Variants in KCNMA1 observed in about 807,000 individuals in gnomAD.
The protein encoded by KCNMA1 is potassium calcium-activated channel subfamily M alpha 1.
A neutral mutation model predicts 140.0 loss-of-function variants in KCNMA1; 29 were observed. The observed-to-expected ratio is 0.21, with a 90% CI of 0.15 to 0.28. The LOEUF (loss-of-function observed/expected upper bound fraction) is 0.28. KCNMA1 is among the 10% of genes least tolerant of loss of function. The probability of loss-of-function intolerance (pLI) is 1.00; values close to 1 mark genes in which losing one functional copy is unlikely to be tolerated. For missense variants in KCNMA1, 880 were observed against 1,602.2 expected, an observed-to-expected ratio of 0.55 and a Z score of 7.70; for synonymous variants, 612 against 611.9, an observed-to-expected ratio of 1.00 and a Z score of 0.00.
At chr10:77,315,372 T>G (rs2080562163) in intron 2 of KCNMA1, 1 of 152,232 alleles carries the variant, frequency 6.6e-6, no homozygotes, top group Non-Finnish European at 1.5e-5. Context: ...CAGAGCATGC[T>G]GATAACTATT....
chr10:77,213,572 A>T (rs2046788531), intron 3 of KCNMA1, among the ~76,000 whole-genome samples: 1 of 152,104 alleles, frequency 6.6e-6, no homozygotes, highest in South Asian at 2.1e-4. Context: ...TCACACACAC[A>T]ATTACAAGTG....
chr10:77,230,170 C>T (rs2053102902), intron 3 of KCNMA1, among the ~76,000 whole-genome samples: 1 of 152,128 alleles, frequency 6.6e-6, no homozygotes, highest in Non-Finnish European at 1.5e-5. Context: ...AGCATTATGT[C>T]AATGAAGGAA....
At chr10:77,598,204 C>T (rs2081490956) in intron 1 of KCNMA1, among the ~76,000 whole-genome samples, 1 of 152,298 alleles carries the variant, frequency 6.6e-6, no homozygotes, top group East Asian at 1.9e-4. Context: ...TTCATGACCT[C>T]AAGTGATCCG....
intron 1 of KCNMA1, among the ~76,000 whole-genome samples, chr10:77,538,513 T>C (rs2059451855): frequency 6.6e-6 from 1 of 152,184 alleles, no homozygotes; most frequent in African/African-American, 2.4e-5. Flanking sequence ...AGATCTGAGT[T>C]AGAATCCCAG....
chr10:77,254,388 A>AT (rs774553487), intron 2 of KCNMA1, among the ~76,000 whole-genome samples: 1 of 151,896 alleles, frequency 6.6e-6, no homozygotes, highest in South Asian at 2.1e-4. Context: ...TACCCGGCTA[A>AT]TTTTTTGTAT....
At chr10:77,299,296 C>T (rs2076004719) in intron 2 of KCNMA1, among the ~76,000 whole-genome samples, 2 of 152,174 alleles carry the variant, frequency 1.3e-5, no homozygotes, top group South Asian at 4.1e-4. Flanking sequence ...TTGATTAAGC[C>T]TTCCCTCCCA....
At chr10:77,248,545 G>A (rs2059064868) in intron 3 of KCNMA1, among the ~76,000 whole-genome samples, 1 of 152,156 alleles carries the variant, frequency 6.6e-6, no homozygotes, top group African/African-American at 2.4e-5. Context: ...TGATGATTTA[G>A]TATAACTTCC....
At chr10:77,277,957 T>A (rs1182808550) in intron 2 of KCNMA1, among the ~76,000 whole-genome samples, 1 of 152,212 alleles carries the variant, frequency 6.6e-6, no homozygotes, top group Admixed American at 6.5e-5. Flanking sequence ...AACTAAAGGC[T>A]TGTATCTTTC....
intron 17 of KCNMA1, among the ~76,000 whole-genome samples, chr10:77,015,676 C>A (rs1475274427): frequency 6.6e-6 from 1 of 152,124 alleles, no homozygotes; most frequent in Non-Finnish European, 1.5e-5. Flanking sequence ...CTTCCTACTA[C>A]CCAAAACTTG....
intron 1 of KCNMA1, chr10:77,636,580 G>A: frequency 6.5e-7 from 1 of 1,536,198 alleles, no homozygotes; most frequent in Non-Finnish European, 8.7e-7. Flanking sequence ...CTAAGGGACG[G>A]AGTGGGAGGT....
At chr10:77,235,449 A>T (rs558730019) in intron 3 of KCNMA1, among the ~76,000 whole-genome samples, 22 of 152,318 alleles carry the variant, frequency 1.4e-4, no homozygotes, top group Non-Finnish European at 1.0e-4. Context: ...TCTGCAAAGA[A>T]ACAAGGCACA....
At chr10:76,953,780 G>C in intron 21 of KCNMA1, 21 bp downstream of exon 21, 1 of 1,613,906 alleles carries the variant, frequency 6.2e-7, no homozygotes, top group African/African-American at 1.3e-5. Context: ...GGCAACATCA[G>C]ATGCACAGTC....
intron 21 of KCNMA1, 88 bp downstream of exon 21, chr10:76,953,713 C>A: frequency 2.7e-6 from 4 of 1,467,124 alleles, no homozygotes; most frequent in Non-Finnish European, 3.8e-6. Context: ...ACAGTATTAT[C>A]CCACTGTCCA....
intron 9 of KCNMA1, among the ~76,000 whole-genome samples, chr10:77,096,868 C>T (rs1566073633): frequency 6.6e-6 from 1 of 152,156 alleles, no homozygotes; most frequent in Non-Finnish European, 1.5e-5. Flanking sequence ...GTGTTTTCCT[C>T]GTCCTGCTCC....
chr10:77,609,756 A>T (rs2086086937), intron 1 of KCNMA1, among the ~76,000 whole-genome samples: 1 of 152,314 alleles, frequency 6.6e-6, no homozygotes, highest in Non-Finnish European at 1.5e-5. Flanking sequence ...TCATTTTAAA[A>T]AAAAAAATAC....
intron 2 of KCNMA1, among the ~76,000 whole-genome samples, chr10:77,299,279 G>C (rs1247293044): frequency 6.6e-6 from 1 of 152,160 alleles, no homozygotes; most frequent in African/African-American, 2.4e-5. Flanking sequence ...GTTAAACGTT[G>C]CATGTATTGA....
At chr10:77,069,099 G>A (rs557490827) in intron 14 of KCNMA1, among the ~76,000 whole-genome samples, 80 of 152,282 alleles carry the variant, frequency 5.3e-4, no homozygotes, top group African/African-American at 1.9e-3. Flanking sequence ...GAGAGTAAGT[G>A]TGGCCACTTA....
chr10:77,156,240 A>C (rs2098482829), intron 5 of KCNMA1, among the ~76,000 whole-genome samples: 1 of 110,022 alleles, frequency 9.1e-6, no homozygotes, highest in African/African-American at 4.3e-5. Flanking sequence ...AAAAAAAAAA[A>C]AAAAAAAAAA....
intron 3 of KCNMA1, among the ~76,000 whole-genome samples, chr10:77,229,020 C>T: frequency 6.6e-6 from 1 of 152,236 alleles, no homozygotes; most frequent in East Asian, 1.9e-4. Flanking sequence ...TCACAAGTAA[C>T]ACAGTGTATA....
Sources: gnomAD v4.1 joint callset for allele counts (sites outside exome capture counted in the v4.1 genomes callset) on GRCh38, gnomAD v4.1.1 for gene constraint, MANE v1.5 for transcripts, NCBI Gene and HGNC (gene_info 2026-07-23, HGNC 2026-07-21) for gene names.